FAT3: variants seen among roughly 807,000 people sequenced by gnomAD.
FAT3 encodes protocadherin Fat 3.
In FAT3, 95 loss-of-function variants were observed where a neutral mutation model predicts 310.2. The observed-to-expected ratio is 0.31, with a 90% CI of 0.26 to 0.36. The LOEUF (loss-of-function observed/expected upper bound fraction) is 0.36. FAT3 is among the 10% of genes least tolerant of loss of function. FAT3 has a pLI of 1.00. For synonymous variants in FAT3, 2,314 were observed against 2,192.9 expected (o/e 1.06, Z -1.54); for missense variants, 5,408 against 5,715.6 (o/e 0.95, Z 1.74).
chr11:92,769,655 G>C (rs531276604), intron 6 of FAT3, among the ~76,000 whole-genome samples: 127 of 152,288 alleles, frequency 8.3e-4, no homozygotes, highest in African/African-American at 2.8e-3. Context: ...TTTGTAAATA[G>C]TAAGCACCTA....
intron 13 of FAT3, among the ~76,000 whole-genome samples, chr11:92,812,363 A>G (rs1458075014): frequency 1.3e-5 from 2 of 152,130 alleles, no homozygotes; most frequent in African/African-American, 2.4e-5. Flanking sequence ...TGGGCGGATC[A>G]CGAGGTCAGG....
chr11:92,333,187 A>T (rs1232750653), intron 1 of FAT3, among the ~76,000 whole-genome samples: 2 of 152,176 alleles, frequency 1.3e-5, no homozygotes, highest in Non-Finnish European at 2.9e-5. Context: ...ACTGGGGAGG[A>T]ATGAAGAGGT....
intron 3 of FAT3, among the ~76,000 whole-genome samples, chr11:92,643,472 G>A (rs1377275642): frequency 6.6e-6 from 1 of 152,176 alleles, no homozygotes; most frequent in African/African-American, 2.4e-5. Flanking sequence ...GATTCTTACT[G>A]CTGCATAGCT....
Position 92,352,628 on chromosome 11 carries a change from T to A in FAT3, c.516T>A (p.Pro172=), listed in dbSNP as rs761455835. The change falls in exon 2 of 28, where the codon CCT becomes CCA. Residue 172 remains proline (P), a synonymous_variant. Coordinates refer to ENST00000525166, the MANE Select transcript of FAT3 (RefSeq NM_001367949.2). ...TYSVTIAEST[P]LRTSVAQVTA... is the part of the protein sequence containing the mutation. ...CTGTTACCATAGCAGAAAGCACACC[T>A]CTAAGGACTAGTGTTGCCCAGGTGA... 1.2e-5 allele frequency: 20 copies of A among 1,613,714 alleles called. No homozygotes were observed. Among genetic ancestry groups the A allele is most frequent in the Non-Finnish European group, 1.7e-5 (20 of 1,179,868 alleles).
At chr11:92,553,029 G>T (rs1186783) in intron 3 of FAT3, among the ~76,000 whole-genome samples, 58,738 of 151,004 alleles carry the variant, frequency 0.39, 12,142 homozygotes, top group Middle Eastern at 0.53. Context: ...AATAGAGGAA[G>T]ATAGAGACAG....
intron 3 of FAT3, among the ~76,000 whole-genome samples, chr11:92,690,335 A>G (rs968570912): frequency 3.9e-5 from 6 of 152,236 alleles, no homozygotes; most frequent in African/African-American, 9.6e-5. Context: ...TTCTATTAGC[A>G]TCTCAGAAAT....
intron 3 of FAT3, among the ~76,000 whole-genome samples, chr11:92,602,838 T>C (rs1940097165): frequency 1.3e-5 from 2 of 152,210 alleles, no homozygotes; most frequent in African/African-American, 4.8e-5. Context: ...GGCAAGCTTT[T>C]TGTGTCCTGT....
In FAT3 at chr11:92,890,787, T is replaced by A. The variant is rs2136446617; in HGVS notation, c.13444T>A (p.Cys4482Ser). The stretch of plus-strand genomic sequence containing the variant: ...CCTGGCCAGCACACTGAGCCCAGAC[T>A]GCAGGAGAAGGCCCCAGTTTCATCC... ...VSLASTLSPD[C>S]RRRPQFHPSQ... Residue 4482 changes from cysteine (C) to serine (S), a missense_variant, in exon 28 of 28, where the codon TGC becomes AGC. Physicochemically the swap from Cys to Ser is moderately radical, Grantham distance 112 (BLOSUM62 -1). This residue lies in a region of FAT3 where 649 missense variants were observed against 666.2 expected (regional missense o/e 0.97). Transcript: ENST00000525166. 6.2e-7 allele frequency: 1 copy of A among 1,613,758 alleles called. No homozygotes were observed. The highest frequency in any genetic ancestry group is 1.3e-5 in the African/African-American group (1 of 74,964).
Position 92,324,701 on chromosome 11 carries a change from C to T in FAT3, c.-17-27395C>T, listed in dbSNP as rs186408932. ...GAACATGCTGTTGGAAAAATGGCGC[C>T]GATAGACTTGCTCAAAGCAGGGTTG... is the stretch of plus-strand genomic sequence containing the variant. On this transcript the variant is annotated intron_variant, in intron 1 of 27. Coordinates refer to ENST00000525166, the MANE Select transcript of FAT3 (RefSeq NM_001367949.2). Among the ~76,000 whole-genome samples the T allele has an allele frequency of 1.7e-3, 253 of 152,246 alleles. 3 individuals carry two copies. The highest frequency in any genetic ancestry group is 0.013 in the Admixed American group (193 of 15,298).
At chr11:92,560,711 GC>G (rs1452176546) in intron 3 of FAT3, among the ~76,000 whole-genome samples, 1 of 152,066 alleles carries the variant, frequency 6.6e-6, no homozygotes, top group Admixed American at 6.6e-5. Flanking sequence ...TTAGTGTTGG[GC>G]TTTCTAAATA....
intron 1 of FAT3, among the ~76,000 whole-genome samples, chr11:92,350,682 C>A (rs151142971): frequency 1.5e-3 from 229 of 152,234 alleles, no homozygotes; most frequent in African/African-American, 5.1e-3. Context: ...AATAGATTAA[C>A]TTCTCTGACC....
chr11:92,342,615 T>C (rs546310652), intron 1 of FAT3, among the ~76,000 whole-genome samples: 6 of 152,282 alleles, frequency 3.9e-5, no homozygotes, highest in Admixed American at 3.3e-4. Flanking sequence ...CCCCCGACTA[T>C]TGGAATTAAC....
intron 7 of FAT3, among the ~76,000 whole-genome samples, chr11:92,778,569 T>G (rs1333763940): frequency 6.6e-6 from 1 of 152,200 alleles, no homozygotes; most frequent in Non-Finnish European, 1.5e-5. Context: ...AAGAGGTCCT[T>G]GAAGCCCATG....
chr11:92,857,399 C>A (rs377052460), intron 20 of FAT3, 51 bp downstream of exon 20: 1 of 1,608,318 alleles, frequency 6.2e-7, no homozygotes, highest in African/African-American at 1.3e-5. Flanking sequence ...TCCTGAAACA[C>A]TTGCCCTTGA....
intron 4 of FAT3, among the ~76,000 whole-genome samples, chr11:92,729,853 T>G (rs1397159487): frequency 6.6e-6 from 1 of 152,170 alleles, no homozygotes; most frequent in Non-Finnish European, 1.5e-5. Flanking sequence ...TTTTTAAACA[T>G]TCATTTAATC....
chr11:92,583,206 A>G (rs1237314266), intron 3 of FAT3, among the ~76,000 whole-genome samples: 1 of 152,052 alleles, frequency 6.6e-6, no homozygotes, highest in East Asian at 1.9e-4. Context: ...CTTTCCCATT[A>G]AGGGAGGGGA....
chr11:92,870,992 G>A (rs1197748187), intron 22 of FAT3, among the ~76,000 whole-genome samples: 1 of 152,146 alleles, frequency 6.6e-6, no homozygotes, highest in African/African-American at 2.4e-5. Flanking sequence ...CGGTAGCCTA[G>A]TATCACATAG....
At chr11:92,285,280 G>GTTTA (rs59716556) in intron 1 of FAT3, among the ~76,000 whole-genome samples, 105,739 of 151,308 alleles carry the variant, frequency 0.7, 37,124 homozygotes, top group African/African-American at 0.77. Context: ...TCTAAAAACA[G>GTTTA]TTTTTCTAGT....
intron 3 of FAT3, among the ~76,000 whole-genome samples, chr11:92,630,028 T>C (rs1941497621): frequency 6.6e-6 from 1 of 152,164 alleles, no homozygotes; most frequent in African/African-American, 2.4e-5. Context: ...CAGTAATTGG[T>C]ACTCATTTCT....
Sources: gnomAD v4.1 joint callset for allele counts (sites outside exome capture counted in the v4.1 genomes callset) on GRCh38, gnomAD v4.1.1 for gene constraint, gnomAD v4.1.1 regional missense constraint, MANE v1.5 for transcripts, NCBI Gene and HGNC (gene_info 2026-07-23, HGNC 2026-07-21) for gene names.